Variants in DENND5A observed in about 807,000 individuals in gnomAD.
DENND5A encodes DENN domain-containing protein 5A.
Under a neutral mutation model 140.3 loss-of-function variants are expected in DENND5A, and 64 were observed. That is an observed-to-expected ratio of 0.46 (90% CI 0.37 to 0.56). The LOEUF (loss-of-function observed/expected upper bound fraction) is 0.56, where lower values mean the gene tolerates loss of function less well. Ranked by LOEUF, DENND5A falls within the 20% of genes least tolerant of loss-of-function variation. DENND5A has a pLI of 0.00. For missense variants in DENND5A, 1,292 were observed against 1,593.8 expected, an observed-to-expected ratio of 0.81 and a Z score of 3.22; for synonymous variants, 605 against 607.7, an observed-to-expected ratio of 1.00 and a Z score of 0.07.
intron 1 of DENND5A, among the ~76,000 whole-genome samples, chr11:9,262,162 T>C (rs1296455137): frequency 6.6e-6 from 1 of 152,202 alleles, no homozygotes; most frequent in African/African-American, 2.4e-5. Flanking sequence ...TATTTTTATT[T>C]ACATTCTTTT....
chr11:9,216,975 G>A (rs1850117151), intron 1 of DENND5A, among the ~76,000 whole-genome samples: 1 of 152,130 alleles, frequency 6.6e-6, no homozygotes, highest in Non-Finnish European at 1.5e-5. Context: ...GTTTGAGGCT[G>A]CAGTGAGCTA....
At chr11:9,225,075 T>C (rs1263348218) in intron 1 of DENND5A, among the ~76,000 whole-genome samples, 1 of 152,158 alleles carries the variant, frequency 6.6e-6, no homozygotes, top group Non-Finnish European at 1.5e-5. Flanking sequence ...TCTAACTACT[T>C]AATAACACAA....
chr11:9,186,323 G>A (rs1848911245), intron 5 of DENND5A, among the ~76,000 whole-genome samples: 1 of 152,212 alleles, frequency 6.6e-6, no homozygotes, highest in Non-Finnish European at 1.5e-5. Context: ...TATGTCATCA[G>A]GCTGCGCCAT....
chr11:9,177,725 A>G (rs1848592959), intron 8 of DENND5A, among the ~76,000 whole-genome samples: 3 of 151,768 alleles, frequency 2.0e-5, no homozygotes. Flanking sequence ...ATCATTTAAA[A>G]AAAAAAAAAA....
At chr11:9,196,036 T>G (rs963845498) in intron 4 of DENND5A, among the ~76,000 whole-genome samples, 24 of 152,342 alleles carry the variant, frequency 1.6e-4, no homozygotes, top group African/African-American at 5.5e-4. Flanking sequence ...CACTGCAACC[T>G]ATGCTTCCCA....
At chr11:9,154,474 A>T (rs796701563) in intron 12 of DENND5A, among the ~76,000 whole-genome samples, 7 of 152,244 alleles carry the variant, frequency 4.6e-5, no homozygotes, top group African/African-American at 1.7e-4. Context: ...GATATACCCC[A>T]TGAGAATACT....
At chr11:9,251,826 A>G (rs561449621) in intron 1 of DENND5A, among the ~76,000 whole-genome samples, 5 of 150,532 alleles carry the variant, frequency 3.3e-5, no homozygotes, top group African/African-American at 1.2e-4. Flanking sequence ...CGTCTCTACT[A>G]AAAATACAAA....
rs183674551 is a variant in DENND5A, at chr11:9,244,319, G to A, written c.109+20642C>T. ...AACAGGTGATTAGGCCATGAGAGCT[G>A]CTCCCTTGTTAATGGGATTAAGGCC... On this transcript the variant is annotated intron_variant, in intron 1 of 22. Transcript: ENST00000328194. 1.3e-4 allele frequency among the ~76,000 whole-genome samples: 20 copies of A among 152,152 alleles called. No individual in the cohort carries two copies. In the East Asian group the frequency reaches 3.7e-3, roughly 28 times the overall value.
At chr11:9,242,709 G>A (rs1301445488) in intron 1 of DENND5A, 1 of 152,220 alleles carries the variant, frequency 6.6e-6, no homozygotes, top group East Asian at 1.9e-4. Flanking sequence ...ATGAATAACA[G>A]GGATGGAATG....
chr11:9,232,633 T>C (rs928020977), intron 1 of DENND5A, among the ~76,000 whole-genome samples: 38 of 152,166 alleles, frequency 2.5e-4, no homozygotes, highest in Admixed American at 5.9e-4. Flanking sequence ...GAATGTAAAC[T>C]GGTACAATCA....
chr11:9,240,873 G>A (rs1459658903), intron 1 of DENND5A, among the ~76,000 whole-genome samples: 1 of 152,118 alleles, frequency 6.6e-6, no homozygotes, highest in African/African-American at 2.4e-5. Context: ...ACCTCAAGTA[G>A]AAACAAAAAA....
chr11:9,263,742 T>C (rs1231144753), intron 1 of DENND5A, among the ~76,000 whole-genome samples: 1 of 145,022 alleles, frequency 6.9e-6, no homozygotes, highest in East Asian at 2.0e-4. Context: ...CTCGGGAGGC[T>C]GAGGCAGGAG....
chr11:9,176,891 T>C (rs778016132), intron 8 of DENND5A: 15 of 456,132 alleles, frequency 3.3e-5, no homozygotes, highest in South Asian at 2.3e-4. Context: ...GATCATATAA[T>C]ATGATTTTGG....
chr11:9,241,602 T>A (rs943992242), intron 1 of DENND5A, among the ~76,000 whole-genome samples: 1 of 152,198 alleles, frequency 6.6e-6, no homozygotes, highest in Admixed American at 6.6e-5. Flanking sequence ...TCGCACAGGC[T>A]CTTCTCTCTG....
At chr11:9,171,027 C>T in intron 8 of DENND5A, 1 of 517,940 alleles carries the variant, frequency 1.9e-6, no homozygotes, top group East Asian at 3.9e-5. Context: ...ATGAGGTAAC[C>T]CCTAGAACTA....
rs78301243 is a variant in DENND5A at position 9,196,664 on chromosome 11, G to A, written c.950-2983C>T. Among the ~76,000 whole-genome samples, 818 of 152,112 alleles carry A rather than the reference G, an allele frequency of 5.4e-3. 8 individuals are homozygous for A. Among genetic ancestry groups the A allele is most frequent in the African/African-American group, 0.019 (776 of 41,518 alleles). ...CTTGCTCTGTCGCCCAGGCTGGAGC[G>A]CAGTGGTGGGATCTCTGCTCACTGC... On this transcript the variant is annotated intron_variant, in intron 4 of 22. Coordinates refer to ENST00000328194, the MANE Select transcript of DENND5A (RefSeq NM_015213.4).
At chr11:9,189,354 C>G (rs558893354) in intron 5 of DENND5A, among the ~76,000 whole-genome samples, 1 of 152,126 alleles carries the variant, frequency 6.6e-6, no homozygotes, top group Non-Finnish European at 1.5e-5. Flanking sequence ...TAGAGTAGTG[C>G]GGAAGGGAAA....
intron 12 of DENND5A, among the ~76,000 whole-genome samples, chr11:9,154,670 T>C (rs1049922273): frequency 9.2e-5 from 14 of 151,626 alleles, no homozygotes; most frequent in African/African-American, 3.2e-4. Context: ...ATTTTTAAAA[T>C]ATATAAAAAC....
At chr11:9,202,533 G>A (rs945967186) in intron 4 of DENND5A, among the ~76,000 whole-genome samples, 16 of 152,146 alleles carry the variant, frequency 1.1e-4, no homozygotes, top group Non-Finnish European at 2.1e-4. Context: ...AATACCCCTC[G>A]CGAATCTTCC....
Sources: gnomAD v4.1 joint callset for allele counts (sites outside exome capture counted in the v4.1 genomes callset) on GRCh38, gnomAD v4.1.1 for gene constraint, MANE v1.5 for transcripts, NCBI Gene and HGNC (gene_info 2026-07-23, HGNC 2026-07-21) for gene names.